The following TECRL variants were observed in gnomAD, a reference collection of about 807,000 sequenced individuals.
The protein encoded by TECRL is trans-2,3-enoyl-CoA reductase-like.
A neutral mutation model predicts 52.8 loss-of-function variants in TECRL; 63 were observed. The ratio of observed to expected loss-of-function variants is 1.19; its 90% CI spans 0.97 to 1.47. The LOEUF (loss-of-function observed/expected upper bound fraction) is 1.47, where lower values mean the gene tolerates loss of function less well. TECRL is among the 40% of genes most tolerant of loss of function. The pLI, the probability that TECRL is intolerant of heterozygous loss-of-function variation, is 0.00. For missense variants in TECRL, 482 were observed against 429.6 expected, an observed-to-expected ratio of 1.12 and a Z score of -1.08; for synonymous variants, 164 against 141.9, an observed-to-expected ratio of 1.16 and a Z score of -1.10.
At chr4:64,363,114 A>C (rs1479211171) in intron 2 of TECRL, among the ~76,000 whole-genome samples, 1 of 152,166 alleles carries the variant, frequency 6.6e-6, no homozygotes, top group African/African-American at 2.4e-5. Context: ...CGTAATGATA[A>C]AGCATTCAAT....
intron 8 of TECRL, among the ~76,000 whole-genome samples, chr4:64,297,112 T>A (rs1994164): frequency 0.23 from 34,768 of 151,354 alleles, 4,454 homozygotes; most frequent in South Asian, 0.36. Context: ...TATGTATACA[T>A]TGTAAATTAT....
chr4:64,365,276 G>A (rs1369398894), intron 2 of TECRL, among the ~76,000 whole-genome samples: 6 of 150,766 alleles, frequency 4.0e-5, no homozygotes, highest in South Asian at 4.2e-4. Flanking sequence ...TGCCAACATT[G>A]TACTAAACAG....
chr4:64,368,592 C>A (rs548785151), intron 2 of TECRL, among the ~76,000 whole-genome samples: 156 of 152,294 alleles, frequency 1.0e-3, no homozygotes, highest in African/African-American at 3.5e-3. Flanking sequence ...CTGTGCCCAG[C>A]CCTCATAATT....
At chr4:64,334,379 T>C (rs1387520787) in intron 2 of TECRL, among the ~76,000 whole-genome samples, 1 of 152,204 alleles carries the variant, frequency 6.6e-6, no homozygotes, top group African/African-American at 2.4e-5. Context: ...TTGTAAATGC[T>C]ACCTACATAA....
At chr4:64,276,589 C>T (rs1307220461), downstream of TECRL, 1 of 151,832 alleles carries the variant, frequency 6.6e-6, no homozygotes, top group Non-Finnish European at 1.5e-5. Context: ...CTTTCCCCAC[C>T]AAACACACTG....
chr4:64,391,416 T>C (rs1577982272), intron 1 of TECRL, among the ~76,000 whole-genome samples: 2 of 151,986 alleles, frequency 1.3e-5, no homozygotes, highest in South Asian at 4.1e-4. Flanking sequence ...GTCTGCATGA[T>C]TGTCTCAGAG....
At chr4:64,304,952 T>C (rs1724241166) in intron 7 of TECRL, 2 of 354,988 alleles carry the variant, frequency 5.6e-6, no homozygotes, top group South Asian at 1.0e-4. Flanking sequence ...AACCTACTAA[T>C]ATTTTTGGTG....
intron 2 of TECRL, among the ~76,000 whole-genome samples, chr4:64,372,944 T>A (rs1030734546): frequency 6.6e-6 from 1 of 151,640 alleles, no homozygotes; most frequent in South Asian, 2.1e-4. Flanking sequence ...TGTTATCTAG[T>A]TTTAAAATAT....
At chr4:64,379,342 C>A (rs1396402343) in intron 1 of TECRL, among the ~76,000 whole-genome samples, 1 of 151,220 alleles carries the variant, frequency 6.6e-6, no homozygotes, top group Non-Finnish European at 1.5e-5. Context: ...TATTTTAAAA[C>A]AATTTTTATT....
intron 2 of TECRL, among the ~76,000 whole-genome samples, chr4:64,367,418 A>G (rs2109642530): frequency 6.6e-6 from 1 of 152,270 alleles, no homozygotes; most frequent in Non-Finnish European, 1.5e-5. Flanking sequence ...AAATTCTTAT[A>G]ATTTTAAAAC....
At chr4:64,398,230 T>C (rs1375877476) in intron 1 of TECRL, among the ~76,000 whole-genome samples, 1 of 152,178 alleles carries the variant, frequency 6.6e-6, no homozygotes, top group Non-Finnish European at 1.5e-5. Flanking sequence ...TGGAAGGTTG[T>C]ATTTCTCAGG....
At chr4:64,309,213 C>CA (rs35616002) in intron 6 of TECRL, among the ~76,000 whole-genome samples, 1 of 151,954 alleles carries the variant, frequency 6.6e-6, no homozygotes, top group Non-Finnish European at 1.5e-5. Flanking sequence ...AGATATTTGA[C>CA]AAAAAACAGG....
At position 64,310,869 on chromosome 4, in the gene TECRL, C is replaced by A. The variant is rs1294296321; in HGVS notation, c.552-938G>T. 3.3e-5 allele frequency among the ~76,000 whole-genome samples: 5 copies of A among 152,114 alleles called. No individual in the cohort carries two copies. In the South Asian group the frequency reaches 1.0e-3, roughly 32 times the overall value. On this transcript the variant is annotated intron_variant, in intron 5 of 11. Transcript: ENST00000381210. ...TGAGTAACTAGACTACAGGACCACACCGCCATGCCCGGCTAATTTTTTTGT... is the reference window on the plus strand; with the variant it reads ...TGAGTAACTAGACTACAGGACCACAACGCCATGCCCGGCTAATTTTTTTGT...
chr4:64,396,138 G>GT (rs34491928), intron 1 of TECRL, among the ~76,000 whole-genome samples: 37,058 of 151,946 alleles, frequency 0.24, 4,616 homozygotes, highest in South Asian at 0.3. Context: ...GAATATACAT[G>GT]TGCATGTATT....
intron 6 of TECRL, among the ~76,000 whole-genome samples, chr4:64,307,723 C>T (rs945540333): frequency 6.6e-6 from 1 of 152,126 alleles, no homozygotes; most frequent in African/African-American, 2.4e-5. Context: ...GAATTTAACC[C>T]ATGTATATAA....
chr4:64,368,708 G>A (rs1405143812), intron 2 of TECRL, among the ~76,000 whole-genome samples: 2 of 152,064 alleles, frequency 1.3e-5, no homozygotes, highest in African/African-American at 2.4e-5. Context: ...TTCATTGGGT[G>A]CATTTATCAT....
chr4:64,286,655 C>T (rs370594687), intron 9 of TECRL, among the ~76,000 whole-genome samples: 1 of 151,986 alleles, frequency 6.6e-6, no homozygotes, highest in South Asian at 2.1e-4. Context: ...ATAAAAAAGT[C>T]ACCTGCACAT....
Position 64,374,066 on chromosome 4 carries a change from T to TAGTAG in TECRL, c.286+1105_286+1106insCTACT, listed in dbSNP as rs1303639523. Among the ~76,000 whole-genome samples, 14 of 129,690 alleles carry TAGTAG rather than the reference T, an allele frequency of 1.1e-4. No homozygotes were observed. The East Asian group carries it at 1.6e-3, about 15-fold the overall frequency. 85.1% of individuals were successfully genotyped at this position (129,690 alleles called of 152,430 possible). A position where few individuals can be genotyped will look rare whatever the true frequency, so the allele number is the denominator to read the frequency against. ...TATAGTAGATACATATATATATATA[T>TAGTAG]ATATATATATATATATTTATCTTTT... On this transcript the variant is annotated intron_variant, in intron 2 of 11. Coordinates refer to ENST00000381210, the MANE Select transcript of TECRL (RefSeq NM_001010874.5).
intron 1 of TECRL, among the ~76,000 whole-genome samples, chr4:64,392,547 T>C (rs1552214): frequency 0.89 from 135,815 of 151,794 alleles, 61,457 homozygotes; most frequent in East Asian, 1. Flanking sequence ...CCATTACCTA[T>C]CCCCAAGCAT....
Sources: gnomAD v4.1 joint callset for allele counts (sites outside exome capture counted in the v4.1 genomes callset) on GRCh38, gnomAD v4.1.1 for gene constraint, MANE v1.5 for transcripts, NCBI Gene and HGNC (gene_info 2026-07-23, HGNC 2026-07-21) for gene names.